Variants in GPC6 observed in about 807,000 individuals in gnomAD.
The protein encoded by GPC6 is glypican-6.
Under a neutral mutation model 55.2 loss-of-function variants are expected in GPC6, and 14 were observed. The observed-to-expected ratio is 0.25, with a 90% CI of 0.17 to 0.40. GPC6 has a LOEUF of 0.40. Ranked by LOEUF, GPC6 falls within the 10% of genes least tolerant of loss-of-function variation. The probability of loss-of-function intolerance (pLI) is 1.00; values close to 1 mark genes in which losing one functional copy is unlikely to be tolerated. For missense variants in GPC6, 641 were observed against 708.5 expected (o/e 0.90, Z 1.08); for synonymous variants, 278 against 259.6 (o/e 1.07, Z -0.68).
At chr13:93,381,605 C>T (rs1875170817) in intron 1 of GPC6, among the ~76,000 whole-genome samples, 1 of 152,116 alleles carries the variant, frequency 6.6e-6, no homozygotes, top group Admixed American at 6.5e-5. Context: ...AACTTGCCTT[C>T]TGTCTGGGAA....
At position 93,869,726 on chromosome 13, in the gene GPC6, C is replaced by T. The variant is rs114567549; in HGVS notation, c.711+39181C>T. On this transcript the variant is annotated intron_variant, in intron 3 of 8. Transcript: ENST00000377047. The stretch of plus-strand genomic sequence containing the variant: ...TTTTAAATGGTGAACCAATAATTTT[C>T]CTAGCATGTTTCTTAACTGAGGGGT... Among the ~76,000 whole-genome samples the T allele has an allele frequency of 4.1e-3, 619 of 151,882 alleles. 4 individuals are homozygous for T. Among genetic ancestry groups the T allele is most frequent in the African/African-American group, 0.014 (571 of 41,476 alleles).
At chr13:93,415,872 C>G (rs1876679355) in intron 1 of GPC6, among the ~76,000 whole-genome samples, 1 of 151,954 alleles carries the variant, frequency 6.6e-6, no homozygotes, top group Admixed American at 6.6e-5. Flanking sequence ...GTAATCATTG[C>G]TAAATTATTT....
At chr13:93,407,544 CTT>C (rs1876339646) in intron 1 of GPC6, among the ~76,000 whole-genome samples, 1 of 152,086 alleles carries the variant, frequency 6.6e-6, no homozygotes, top group Admixed American at 6.6e-5. Context: ...ATTTTCTTTA[CTT>C]ACAGGCTTAC....
chr13:93,887,927 G>A (rs557711398), intron 3 of GPC6, among the ~76,000 whole-genome samples: 3 of 152,192 alleles, frequency 2.0e-5, no homozygotes, highest in Admixed American at 2.0e-4. Context: ...TTCTGACTAC[G>A]GGTTGTGGCT....
At chr13:93,919,344 G>A (rs897553546) in intron 3 of GPC6, among the ~76,000 whole-genome samples, 9 of 152,168 alleles carry the variant, frequency 5.9e-5, no homozygotes, top group African/African-American at 2.2e-4. Context: ...CACCTCTATG[G>A]CAATCCTAGC....
chr13:93,453,913 C>T (rs533248290), intron 1 of GPC6, among the ~76,000 whole-genome samples: 6 of 152,216 alleles, frequency 3.9e-5, no homozygotes, highest in East Asian at 1.9e-4. Flanking sequence ...TGCTGGCTCC[C>T]GCAGCCTGCT....
chr13:93,505,421 TCA>T (rs754740299), intron 1 of GPC6, among the ~76,000 whole-genome samples: 62 of 140,856 alleles, frequency 4.4e-4, no homozygotes, highest in Non-Finnish European at 7.5e-4. Flanking sequence ...ATTCTCTCTC[TCA>T]CACACGTGCA....
At chr13:93,988,288 A>G (rs1594645277) in intron 3 of GPC6, among the ~76,000 whole-genome samples, 1 of 151,964 alleles carries the variant, frequency 6.6e-6, no homozygotes, top group Non-Finnish European at 1.5e-5. Flanking sequence ...CTTCCTCCCC[A>G]TGGCCTGAAA....
chr13:94,401,948 A>T (rs4773791), intron 8 of GPC6, among the ~76,000 whole-genome samples: 63,968 of 112,078 alleles, frequency 0.57, 14,050 homozygotes, highest in East Asian at 0.77. Flanking sequence ...ATTGATTGAT[A>T]GATAGATAGA....
intron 1 of GPC6, among the ~76,000 whole-genome samples, chr13:93,316,131 C>T (rs540580963): frequency 6.6e-6 from 1 of 152,152 alleles, no homozygotes; most frequent in South Asian, 2.1e-4. Context: ...GCCTTCTAAA[C>T]TGTACCCAAA....
chr13:94,070,126 G>C (rs1225651967), intron 4 of GPC6, among the ~76,000 whole-genome samples: 1 of 152,220 alleles, frequency 6.6e-6, no homozygotes, highest in Non-Finnish European at 1.5e-5. Context: ...TCACAATCAT[G>C]GTGGAAGGCA....
chr13:93,351,128 T>C (rs1345936306), intron 1 of GPC6, among the ~76,000 whole-genome samples: 1 of 152,090 alleles, frequency 6.6e-6, no homozygotes, highest in Admixed American at 6.6e-5. Flanking sequence ...AATAAAACAG[T>C]GGTATTATGC....
At chr13:93,916,904 A>C (rs1260360533) in intron 3 of GPC6, among the ~76,000 whole-genome samples, 7 of 152,126 alleles carry the variant, frequency 4.6e-5, no homozygotes, top group Non-Finnish European at 7.4e-5. Flanking sequence ...CCTAAAACAG[A>C]ATATTAGTGA....
chr13:93,809,779 T>C (rs967990573), intron 2 of GPC6, among the ~76,000 whole-genome samples: 8 of 152,158 alleles, frequency 5.3e-5, no homozygotes, highest in African/African-American at 1.9e-4. Flanking sequence ...ACTTTCTAGG[T>C]AGTAACTGGA....
At chr13:93,683,839 C>T (rs758039878) in intron 2 of GPC6, among the ~76,000 whole-genome samples, 1 of 152,088 alleles carries the variant, frequency 6.6e-6, no homozygotes, top group Non-Finnish European at 1.5e-5. Context: ...ATGACAGAAA[C>T]TTATGTCTCA....
chr13:93,932,425 G>T (rs1378900326), intron 3 of GPC6, among the ~76,000 whole-genome samples: 4 of 151,946 alleles, frequency 2.6e-5, no homozygotes, highest in African/African-American at 4.8e-5. Context: ...CTCTCCTCGG[G>T]TGTCACTAAC....
At chr13:94,061,941 G>A (rs1191246611) in intron 4 of GPC6, among the ~76,000 whole-genome samples, 1 of 152,128 alleles carries the variant, frequency 6.6e-6, no homozygotes, top group African/African-American at 2.4e-5. Context: ...AGTTTCTCTG[G>A]ATGATGCTGG....
intron 1 of GPC6, among the ~76,000 whole-genome samples, chr13:93,532,315 C>G (rs533725086): frequency 3.0e-4 from 45 of 152,012 alleles, no homozygotes; most frequent in African/African-American, 6.5e-4. Context: ...ATGAATCTCT[C>G]TGTGTGTGTG....
At chr13:93,263,815 G>A (rs752506126) in intron 1 of GPC6, among the ~76,000 whole-genome samples, 1 of 152,222 alleles carries the variant, frequency 6.6e-6, no homozygotes, top group African/African-American at 2.4e-5. Context: ...AAGTGGGAAT[G>A]TATCTCTAAA....
Sources: gnomAD v4.1 joint callset for allele counts (sites outside exome capture counted in the v4.1 genomes callset) on GRCh38, gnomAD v4.1.1 for gene constraint, MANE v1.5 for transcripts, NCBI Gene and HGNC (gene_info 2026-07-23, HGNC 2026-07-21) for gene names.